ARID1B: variants seen among roughly 807,000 people sequenced by gnomAD.
ARID1B encodes AT-rich interaction domain 1B.
Under a neutral mutation model 212.3 loss-of-function variants are expected in ARID1B, and 30 were observed. The observed-to-expected ratio is 0.14, with a 90% CI of 0.11 to 0.19. ARID1B has a LOEUF of 0.19. ARID1B is among the 10% of genes least tolerant of loss of function. The pLI is 1.00. For missense variants in ARID1B, 2,891 were observed against 3,204.0 expected, an observed-to-expected ratio of 0.90 and a Z score of 2.36; for synonymous variants, 1,402 against 1,301.7, an observed-to-expected ratio of 1.08 and a Z score of -1.66.
intron 6 of ARID1B, among the ~76,000 whole-genome samples, chr6:157,114,051 A>G (rs1787137042): frequency 1.3e-5 from 2 of 152,212 alleles, no homozygotes; most frequent in South Asian, 2.1e-4. Flanking sequence ...AGCATACACA[A>G]TGGAAAGCAG....
At chr6:156,943,409 A>G (rs1690847767) in intron 4 of ARID1B, 1 of 152,072 alleles carries the variant, frequency 6.6e-6, no homozygotes, top group Admixed American at 6.5e-5. Context: ...GGAATAAAAG[A>G]GGAGAAAAAA....
chr6:156,856,900 G>A (rs1784992099), intron 2 of ARID1B, among the ~76,000 whole-genome samples: 1 of 152,022 alleles, frequency 6.6e-6, no homozygotes, highest in South Asian at 2.1e-4. Flanking sequence ...ACCGTTGGGA[G>A]CTTGACGTGC....
intron 8 of ARID1B, among the ~76,000 whole-genome samples, chr6:157,152,697 A>G (rs1415072003): frequency 6.6e-6 from 1 of 152,240 alleles, no homozygotes; most frequent in Non-Finnish European, 1.5e-5. Flanking sequence ...CTGATTTTCA[A>G]CATGCTTTTG....
intron 7 of ARID1B, among the ~76,000 whole-genome samples, chr6:157,145,446 AC>A (rs1256212705): frequency 6.6e-6 from 1 of 152,186 alleles, no homozygotes; most frequent in East Asian, 1.9e-4. Context: ...GTGCCTGCCC[AC>A]ATCTGCACGG....
At chr6:156,924,221 A>G (rs1178923636) in intron 3 of ARID1B, among the ~76,000 whole-genome samples, 1 of 152,196 alleles carries the variant, frequency 6.6e-6, no homozygotes, top group Non-Finnish European at 1.5e-5. Context: ...GATGCCTGAA[A>G]GTGTGGATAG....
intron 13 of ARID1B, among the ~76,000 whole-genome samples, chr6:157,186,953 GC>G (rs1793017057): frequency 6.6e-6 from 1 of 152,148 alleles, no homozygotes; most frequent in Admixed American, 6.5e-5. Flanking sequence ...AAGCCCCTTG[GC>G]CCCTGGGGCT....
chr6:156,848,515 A>G (rs745393989), intron 2 of ARID1B, among the ~76,000 whole-genome samples: 1 of 152,250 alleles, frequency 6.6e-6, no homozygotes, highest in Non-Finnish European at 1.5e-5. Flanking sequence ...CCCAAATGTT[A>G]TCTTTTAATG....
intron 6 of ARID1B, among the ~76,000 whole-genome samples, chr6:157,125,356 T>C (rs1020403369): frequency 6.6e-6 from 1 of 152,172 alleles, no homozygotes; most frequent in Non-Finnish European, 1.5e-5. Flanking sequence ...TGGGTGGTCA[T>C]TTCTTGACAG....
chr6:156,788,725 G>A (rs1159529704), intron 1 of ARID1B, among the ~76,000 whole-genome samples: 1 of 152,168 alleles, frequency 6.6e-6, no homozygotes, highest in Non-Finnish European at 1.5e-5. Context: ...GAGGGTTAGG[G>A]CTGCTCTTAA....
At chr6:157,085,813 A>G (rs563056826) in intron 5 of ARID1B, among the ~76,000 whole-genome samples, 1 of 152,260 alleles carries the variant, frequency 6.6e-6, no homozygotes, top group Non-Finnish European at 1.5e-5. Flanking sequence ...TCAAATAAAC[A>G]TTCATGAATT....
intron 1 of ARID1B, among the ~76,000 whole-genome samples, chr6:156,814,429 C>T (rs1781822306): frequency 6.6e-6 from 1 of 152,158 alleles, no homozygotes; most frequent in Non-Finnish European, 1.5e-5. Flanking sequence ...ATGTAAAGTA[C>T]ATCTGGTCTC....
At chr6:157,082,140 G>A (rs998895699) in intron 4 of ARID1B, among the ~76,000 whole-genome samples, 5 of 152,136 alleles carry the variant, frequency 3.3e-5, no homozygotes, top group Non-Finnish European at 5.9e-5. Flanking sequence ...ATGTAGTAAC[G>A]GAGTAAGTTC....
intron 13 of ARID1B, among the ~76,000 whole-genome samples, chr6:157,188,368 A>G (rs1034338720): frequency 6.6e-6 from 1 of 152,186 alleles, no homozygotes; most frequent in African/African-American, 2.4e-5. Context: ...GAGGCTGGGC[A>G]GACCTCATCT....
intron 3 of ARID1B, among the ~76,000 whole-genome samples, chr6:156,906,546 C>CAA (rs55660810): frequency 0.015 from 604 of 39,684 alleles, 85 homozygotes; most frequent in Admixed American, 0.018. Flanking sequence ...ACTCCATCTC[C>CAA]AAAAAAAAAA....
chr6:157,121,020 C>G (rs532172486), intron 6 of ARID1B, among the ~76,000 whole-genome samples: 1 of 152,156 alleles, frequency 6.6e-6, no homozygotes, highest in Admixed American at 6.5e-5. Flanking sequence ...CTTTTTCCAA[C>G]AGGATTTAAA....
intron 2 of ARID1B, among the ~76,000 whole-genome samples, chr6:156,873,873 G>C (rs1786337007): frequency 6.6e-6 from 1 of 152,124 alleles, no homozygotes; most frequent in South Asian, 2.1e-4. Flanking sequence ...TCAGCTGCGG[G>C]CCAGCCTTGT....
chr6:156,882,616 G>A (rs960592915), intron 2 of ARID1B, among the ~76,000 whole-genome samples: 1 of 152,086 alleles, frequency 6.6e-6, no homozygotes, highest in Non-Finnish European at 1.5e-5. Context: ...AATATAGCAC[G>A]GTTCCCATCA....
chr6:156,934,883 T>TA (rs1792034771), intron 3 of ARID1B, among the ~76,000 whole-genome samples: 1 of 138,354 alleles, frequency 7.2e-6, no homozygotes, highest in South Asian at 2.4e-4. Context: ...CAGTACTTGG[T>TA]ATGGTCTCAT....
chr6:157,089,114 T>A (rs1785126044), intron 5 of ARID1B, among the ~76,000 whole-genome samples: 1 of 152,202 alleles, frequency 6.6e-6, no homozygotes, highest in Admixed American at 6.5e-5. Flanking sequence ...AATGTGCAGC[T>A]GTTATGTAGC....
Sources: allele counts gnomAD v4.1 joint callset (sites outside exome capture counted in the v4.1 genomes callset), GRCh38; gene constraint gnomAD v4.1.1; transcripts MANE v1.5; gene names NCBI Gene and HGNC (gene_info 2026-07-23, HGNC 2026-07-21).